The following FER variants were observed in gnomAD, a reference collection of about 807,000 sequenced individuals.
FER encodes FER tyrosine kinase, also known as tyrosine-protein kinase Fer.
In FER, 63 loss-of-function variants were observed where a neutral mutation model predicts 111.0. The observed-to-expected ratio is 0.57, with a 90% confidence interval of 0.46 to 0.70. The LOEUF is 0.70. FER is among the 30% of genes least tolerant of loss of function. The pLI, the probability that FER is intolerant of heterozygous loss-of-function variation, is 0.00. For synonymous variants in FER, 327 were observed against 313.9 expected (o/e 1.04, Z -0.44); for missense variants, 914 against 954.0 (o/e 0.96, Z 0.55).
At chr5:108,778,424 C>T (rs946341197) in intron 2 of FER, among the ~76,000 whole-genome samples, 1 of 152,118 alleles carries the variant, frequency 6.6e-6, no homozygotes, top group Non-Finnish European at 1.5e-5. Flanking sequence ...CCAAAGTGGC[C>T]ATACCATTTT....
intron 17 of FER, among the ~76,000 whole-genome samples, chr5:109,105,985 C>G (rs1478469887): frequency 6.6e-6 from 1 of 152,178 alleles, no homozygotes; most frequent in Admixed American, 6.5e-5. Context: ...AGGAAACTCA[C>G]AGTTAGGGAG....
intron 13 of FER, among the ~76,000 whole-genome samples, chr5:108,965,516 A>G (rs1176431014): frequency 6.6e-6 from 1 of 152,212 alleles, no homozygotes; most frequent in East Asian, 1.9e-4. Context: ...CTCTACCTCT[A>G]TTATTTTATT....
intron 3 of FER, chr5:108,819,746 A>G: frequency 2.0e-6 from 2 of 975,652 alleles, no homozygotes; most frequent in Non-Finnish European, 2.4e-6. Flanking sequence ...TGAGAGAGAA[A>G]AAAAGCATTT....
In FER at chr5:109,080,570, G is replaced by A. The variant is rs1776873716; in HGVS notation, c.1925-19826G>A. Among the ~76,000 whole-genome samples, 2 of 152,076 alleles carry A rather than the reference G, an allele frequency of 1.3e-5. 1 individual carries two copies. The highest frequency in any genetic ancestry group is 4.1e-4 in the South Asian group (2 of 4,828). On this transcript the variant is annotated intron_variant, in intron 16 of 19. Coordinates refer to ENST00000281092, the MANE Select transcript of FER (RefSeq NM_005246.4). ...CAAATTTTAGGTCTGAATAATGGGA[G>A]TAAGTTCTCTGGCAATCTGTAAGGC...
chr5:109,183,028 G>A (rs566050358), intron 18 of FER, among the ~76,000 whole-genome samples: 1 of 152,148 alleles, frequency 6.6e-6, no homozygotes, highest in Non-Finnish European at 1.5e-5. Context: ...TTGATCTAGA[G>A]TGAGGGACTT....
chr5:109,158,477 A>G (rs1242355731), intron 17 of FER, among the ~76,000 whole-genome samples: 1 of 152,152 alleles, frequency 6.6e-6, no homozygotes, highest in Admixed American at 6.6e-5. Context: ...AGTTAGAAAA[A>G]AATGATGGCA....
At chr5:109,100,154 G>A (rs1163218002) in intron 16 of FER, among the ~76,000 whole-genome samples, 3 of 151,732 alleles carry the variant, frequency 2.0e-5, no homozygotes, top group African/African-American at 7.2e-5. Context: ...CCTGGATAAT[G>A]TACAATATGA....
chr5:108,961,246 T>C (rs1181909715), intron 13 of FER, among the ~76,000 whole-genome samples: 1 of 152,184 alleles, frequency 6.6e-6, no homozygotes, highest in African/African-American at 2.4e-5. Context: ...TGATGTCCCA[T>C]TTCACAAGTC....
At chr5:108,957,784 G>C (rs1218102943) in intron 12 of FER, among the ~76,000 whole-genome samples, 1 of 151,502 alleles carries the variant, frequency 6.6e-6, no homozygotes, top group Non-Finnish European at 1.5e-5. Context: ...GGGTAAAGTG[G>C]TTTGCATGTT....
chr5:109,134,212 A>C (rs1752654007), intron 17 of FER, among the ~76,000 whole-genome samples: 1 of 152,150 alleles, frequency 6.6e-6, no homozygotes, highest in Non-Finnish European at 1.5e-5. Context: ...CGAATACCCA[A>C]AGAAAAGTTC....
In FER at chr5:109,081,296, G is replaced by A. The variant is rs374377069; in HGVS notation, c.1925-19100G>A. Among the ~76,000 whole-genome samples, 3 of 152,150 alleles carry A rather than the reference G, an allele frequency of 2.0e-5. 1 individual carries two copies. Among genetic ancestry groups the A allele is most frequent in the African/African-American group, 7.2e-5 (3 of 41,534 alleles). ...ATAACTAAAATTTTATTGTGTGCAT[G>A]ACTCTTATCTCTTTCCTGAAGTACT... On this transcript the variant is annotated intron_variant, in intron 16 of 19. Coordinates refer to ENST00000281092, the MANE Select transcript of FER (RefSeq NM_005246.4).
At chr5:108,902,241 A>G (rs1389241264) in intron 10 of FER, among the ~76,000 whole-genome samples, 2 of 152,208 alleles carry the variant, frequency 1.3e-5, no homozygotes, top group East Asian at 3.8e-4. Context: ...TATCTTTGAG[A>G]CCATTATAAT....
chr5:108,964,184 C>T (rs147706001), intron 13 of FER, among the ~76,000 whole-genome samples: 129 of 151,986 alleles, frequency 8.5e-4, no homozygotes, highest in African/African-American at 2.8e-3. Flanking sequence ...TATGTTAGAG[C>T]GAATAAATGT....
intron 1 of FER, among the ~76,000 whole-genome samples, chr5:108,758,518 C>CGTT (rs1463422429): frequency 6.6e-6 from 1 of 152,148 alleles, no homozygotes; most frequent in Non-Finnish European, 1.5e-5. Flanking sequence ...CTCATGTAGG[C>CGTT]CTTCTCCATA....
intron 16 of FER, among the ~76,000 whole-genome samples, chr5:109,053,932 C>T (rs1773266997): frequency 6.6e-6 from 1 of 151,998 alleles, no homozygotes; most frequent in Non-Finnish European, 1.5e-5. Context: ...ACCTCGTGAT[C>T]CGCCCGCCTC....
rs1183084428 is a variant in FER, at chr5:109,051,543, A to T, written c.1924+4345A>T. The T allele has an allele frequency of 3.1e-6, 5 of 1,611,426 alleles. No individual in the cohort carries two copies. The East Asian group carries it at 8.9e-5, about 29-fold the overall frequency. ...CACTGTAATTAGCCCAGTTTTGCTC[A>T]CTTGCTTGCTTGTCGTAATTGCGGC... On this transcript the variant is annotated intron_variant, in intron 16 of 19. Transcript: ENST00000281092.
At chr5:109,147,826 GAC>G (rs1554148810) in intron 17 of FER, among the ~76,000 whole-genome samples, 5 of 149,090 alleles carry the variant, frequency 3.4e-5, no homozygotes, top group African/African-American at 4.9e-5. Context: ...GAGAGAGAGA[GAC>G]AGAGACAGAG....
intron 13 of FER, among the ~76,000 whole-genome samples, chr5:109,031,483 C>T (rs1769606438): frequency 6.6e-6 from 1 of 151,986 alleles, no homozygotes; most frequent in Non-Finnish European, 1.5e-5. Flanking sequence ...AACAAATGCT[C>T]ACATTTTTAA....
chr5:108,896,816 A>G (rs1161066148), intron 9 of FER, among the ~76,000 whole-genome samples: 1 of 152,148 alleles, frequency 6.6e-6, no homozygotes. Context: ...CAATTTTGAC[A>G]TTTTGTCTAA....
Sources: gnomAD v4.1 joint callset for allele counts (sites outside exome capture counted in the v4.1 genomes callset) on GRCh38, gnomAD v4.1.1 for gene constraint, MANE v1.5 for transcripts, NCBI Gene and HGNC (gene_info 2026-07-23, HGNC 2026-07-21) for gene names.